Variants in PRKG1 observed in about 807,000 individuals in gnomAD.
PRKG1 encodes protein kinase cGMP-dependent 1.
Under a neutral mutation model 88.1 loss-of-function variants are expected in PRKG1, and 35 were observed. That is an observed-to-expected ratio of 0.40 (90% CI 0.30 to 0.53). The LOEUF (loss-of-function observed/expected upper bound fraction) is 0.53, where lower values mean the gene tolerates loss of function less well. PRKG1 is among the 20% of genes least tolerant of loss of function. PRKG1 has a pLI of 0.59. For missense variants in PRKG1, 540 were observed against 839.8 expected (o/e 0.64, Z 4.41); for synonymous variants, 303 against 292.5 (o/e 1.04, Z -0.37).
chr10:51,669,481 T>C (rs887241460), intron 3 of PRKG1, among the ~76,000 whole-genome samples: 1 of 152,056 alleles, frequency 6.6e-6, no homozygotes, highest in African/African-American at 2.4e-5. Flanking sequence ...GGGAAGGGAG[T>C]GGGCACAATT....
chr10:51,643,340 A>T (rs1839844357), intron 3 of PRKG1, among the ~76,000 whole-genome samples: 1 of 152,218 alleles, frequency 6.6e-6, no homozygotes, highest in Non-Finnish European at 1.5e-5. Flanking sequence ...CACAATGTAG[A>T]AAACTCAGAC....
At chr10:51,988,411 G>T (rs1844218945) in intron 5 of PRKG1, among the ~76,000 whole-genome samples, 1 of 151,906 alleles carries the variant, frequency 6.6e-6, no homozygotes, top group Non-Finnish European at 1.5e-5. Flanking sequence ...TTAAGTGTTG[G>T]GTTGCTAGAA....
intron 4 of PRKG1, among the ~76,000 whole-genome samples, chr10:51,892,136 C>T (rs1004143817): frequency 3.3e-5 from 5 of 152,084 alleles, no homozygotes; most frequent in African/African-American, 9.7e-5. Context: ...TTCCTCAATA[C>T]GTTAATAGAT....
intron 3 of PRKG1, among the ~76,000 whole-genome samples, chr10:51,507,256 C>A (rs946524953): frequency 1.3e-5 from 2 of 151,364 alleles, no homozygotes; most frequent in Non-Finnish European, 2.9e-5. Flanking sequence ...ACATATGTAA[C>A]AAACCTGCAC....
intron 10 of PRKG1, among the ~76,000 whole-genome samples, chr10:52,269,345 T>C (rs1841658349): frequency 6.6e-6 from 1 of 152,134 alleles, no homozygotes; most frequent in Non-Finnish European, 1.5e-5. Context: ...CACACTAATC[T>C]GTCATCTTTG....
chr10:52,217,966 C>T (rs1052777903), intron 9 of PRKG1, among the ~76,000 whole-genome samples: 6 of 152,066 alleles, frequency 3.9e-5, no homozygotes, highest in African/African-American at 1.4e-4. Context: ...GTAATCTCAG[C>T]ACTTTGGGAG....
intron 4 of PRKG1, among the ~76,000 whole-genome samples, chr10:51,848,838 G>T: frequency 6.8e-6 from 1 of 146,224 alleles, no homozygotes. Context: ...AAGAGTCTAT[G>T]GTTTGCGTTT....
intron 3 of PRKG1, among the ~76,000 whole-genome samples, chr10:51,702,685 C>T (rs762835862): frequency 6.6e-6 from 1 of 151,326 alleles, no homozygotes; most frequent in Non-Finnish European, 1.5e-5. Flanking sequence ...AAACTTAATC[C>T]ATTGTTCAAA....
intron 9 of PRKG1, among the ~76,000 whole-genome samples, chr10:52,200,542 T>C (rs577206106): frequency 6.6e-6 from 1 of 152,180 alleles, no homozygotes; most frequent in Non-Finnish European, 1.5e-5. Flanking sequence ...GTCTTTATGG[T>C]AGAACAATTT....
chr10:51,731,127 G>A (rs1217066243), intron 3 of PRKG1, among the ~76,000 whole-genome samples: 1 of 152,132 alleles, frequency 6.6e-6, no homozygotes, highest in African/African-American at 2.4e-5. Flanking sequence ...CTGCACTCCA[G>A]GGTGAGGCTC....
chr10:51,336,955 C>A (rs977798566), intron 2 of PRKG1, among the ~76,000 whole-genome samples: 2 of 152,214 alleles, frequency 1.3e-5, no homozygotes, highest in Non-Finnish European at 2.9e-5. Context: ...ATAGCCAAGA[C>A]AATTCCAATC....
chr10:51,834,108 C>A (rs1282639560), intron 4 of PRKG1, among the ~76,000 whole-genome samples: 1 of 151,982 alleles, frequency 6.6e-6, no homozygotes, highest in Admixed American at 6.6e-5. Flanking sequence ...TGTATACAGA[C>A]CACAGTTTTC....
chr10:51,165,485 A>T (rs1156858551), intron 2 of PRKG1, among the ~76,000 whole-genome samples: 1 of 152,202 alleles, frequency 6.6e-6, no homozygotes, highest in Admixed American at 6.5e-5. Context: ...AAGAAACTGC[A>T]ACTAACAAGC....
intron 8 of PRKG1, among the ~76,000 whole-genome samples, chr10:52,143,964 A>C (rs766083850): frequency 6.6e-6 from 1 of 152,208 alleles, no homozygotes; most frequent in Non-Finnish European, 1.5e-5. Context: ...GCATTCAAAA[A>C]TCAGCATGAG....
At chr10:51,083,812 G>A (rs1302506828) in intron 1 of PRKG1, among the ~76,000 whole-genome samples, 1 of 152,146 alleles carries the variant, frequency 6.6e-6, no homozygotes, top group African/African-American at 2.4e-5. Flanking sequence ...TGCCAGCTCT[G>A]TGTGTCTTTC....
chr10:51,804,541 C>A (rs763406846), intron 3 of PRKG1, 44 bp from the exon 4 acceptor site: 8 of 1,341,060 alleles, frequency 6.0e-6, no homozygotes, highest in Non-Finnish European at 8.5e-6. Context: ...TTGAAATTCT[C>A]TGATTAATTT....
At chr10:52,050,660 G>C (rs1296259322) in intron 5 of PRKG1, among the ~76,000 whole-genome samples, 1 of 152,092 alleles carries the variant, frequency 6.6e-6, no homozygotes, top group Admixed American at 6.6e-5. Flanking sequence ...GTGACCCCTG[G>C]ATTTTATGAG....
chr10:51,226,088 C>T (rs967566952), intron 2 of PRKG1, among the ~76,000 whole-genome samples: 1 of 151,986 alleles, frequency 6.6e-6, no homozygotes, highest in Admixed American at 6.6e-5. Flanking sequence ...CCTGTAGTCC[C>T]AGCTACTCAG....
intron 1 of PRKG1, among the ~76,000 whole-genome samples, chr10:51,108,764 TCTA>T (rs1844909820): frequency 1.3e-5 from 2 of 152,166 alleles, no homozygotes; most frequent in African/African-American, 4.8e-5. Flanking sequence ...TACTGGAGCT[TCTA>T]GCTAATGTGA....
Sources: gnomAD v4.1 joint callset for allele counts (sites outside exome capture counted in the v4.1 genomes callset) on GRCh38, gnomAD v4.1.1 for gene constraint, MANE v1.5 for transcripts, NCBI Gene and HGNC (gene_info 2026-07-23, HGNC 2026-07-21) for gene names.